Variants in MIGA2 observed in about 807,000 individuals in gnomAD.
The protein encoded by MIGA2 is mitoguardin 2, also known as family with sequence similarity 73, member B.
A neutral mutation model predicts 69.9 loss-of-function variants in MIGA2; 36 were observed. That is an observed-to-expected ratio of 0.52 (90% CI 0.39 to 0.68). The LOEUF is 0.68. Ranked by LOEUF, MIGA2 falls within the 30% of genes least tolerant of loss-of-function variation. MIGA2 has a pLI of 0.00. For synonymous variants in MIGA2, 333 were observed against 349.2 expected (o/e 0.95, Z 0.52); for missense variants, 660 against 787.7 (o/e 0.84, Z 1.94).
intron 11 of MIGA2, 30 bp from the exon 12 acceptor site, chr9:129,067,743 G>T: frequency 1.3e-6 from 2 of 1,586,562 alleles, no homozygotes; most frequent in South Asian, 2.3e-5. Context: ...CTTGTCCAGT[G>T]ACCAGGATGG....
intron 11 of MIGA2, among the ~76,000 whole-genome samples, chr9:129,064,092 A>G (rs966187623): frequency 2.6e-5 from 4 of 152,146 alleles, no homozygotes; most frequent in Admixed American, 2.6e-4. Flanking sequence ...CCCGGCAGAT[A>G]TTGCTAGTTT....
At chr9:129,042,187 C>T (rs562529774) in intron 2 of MIGA2, 117 bp from the exon 3 acceptor site, 70 of 977,382 alleles carry the variant, frequency 7.2e-5, no homozygotes, top group Non-Finnish European at 9.6e-5. Context: ...CTCATCTGGT[C>T]GGCAGATGTG....
chr9:129,051,287 T>TA lies in MIGA2; in HGVS notation c.675+1324_675+1325insA, dbSNP rs200446325. 930 of 182,842 alleles carry TA rather than the reference T, an allele frequency of 5.1e-3. 11 individuals are homozygous for TA. Among genetic ancestry groups the TA allele is most frequent in the African/African-American group, 0.022 (864 of 39,372 alleles). The allele number at this position is 182,842 out of a possible 1,614,324, so 11.3% of individuals were successfully genotyped here. On this transcript the variant is annotated intron_variant, in intron 6 of 15. Transcript: ENST00000684074. ...TTATTTATTTATTTATTTATTTATT[T>TA]TTTTTTTTGGAGACGGAGTCTCACT...
intron 11 of MIGA2, among the ~76,000 whole-genome samples, chr9:129,067,135 CAA>C (rs774512522): frequency 1.7e-4 from 9 of 52,004 alleles, no homozygotes; most frequent in Admixed American, 2.1e-4. Flanking sequence ...GACTCCATCT[CAA>C]AAAAAAAAAA....
intron 3 of MIGA2, among the ~76,000 whole-genome samples, chr9:129,045,093 G>C (rs1420067591): frequency 6.6e-6 from 1 of 150,568 alleles, no homozygotes; most frequent in African/African-American, 2.4e-5. Flanking sequence ...GGAGCTTGCA[G>C]TGAGCCGAGA....
Position 129,063,301 on chromosome 9 carries a change from G to A in MIGA2, c.1068G>A (p.Val356=). The A allele has an allele frequency of 1.2e-6, 2 of 1,614,098 alleles. No individual in the cohort carries two copies. The highest frequency in any genetic ancestry group is 1.7e-6 in the Non-Finnish European group (2 of 1,180,010). Residue 356 remains valine, a synonymous_variant, in exon 10 of 16, where the codon GTG becomes GTA. Coordinates refer to ENST00000684074, the MANE Select transcript of MIGA2 (RefSeq NM_001329990.2). ...DQDFLAKLHC[V]RQAFEGLLED... is the part of the protein sequence containing the mutation. The stretch of plus-strand genomic sequence containing the variant: ...ACTTTCTGGCCAAGCTGCACTGTGT[G>A]CGGCAGGCCTTCGAGGTGGGTGTGG...
chr9:129,039,544 T>C (rs941585917), intron 1 of MIGA2, among the ~76,000 whole-genome samples: 1 of 150,298 alleles, frequency 6.7e-6, no homozygotes, highest in Non-Finnish European at 1.5e-5. Context: ...TGTGCCCAGC[T>C]TCTTTATTTT....
At chr9:129,066,803 C>CA (rs1268907538) in intron 11 of MIGA2, among the ~76,000 whole-genome samples, 2 of 145,018 alleles carry the variant, frequency 1.4e-5, no homozygotes, top group African/African-American at 2.6e-5. Context: ...ACTAAAAATA[C>CA]AAAAAAAATT....
Position 129,068,139 on chromosome 9 carries a change from T to C in MIGA2, c.1270-59T>C. ...AGCTTCAGTCTCCCCATCTGGAAAG[T>C]GGCCCCGAGGCTCCGGCAGTGCCCC... is the stretch of plus-strand genomic sequence containing the variant. On this transcript the variant is annotated intron_variant, in intron 12 of 15. Coordinates refer to ENST00000684074, the MANE Select transcript of MIGA2 (RefSeq NM_001329990.2). This position sits in a 1 kb window ranked among gnomAD's most constrained non-coding sequence, Gnocchi z 4.1. 1 of 1,611,898 alleles carries C rather than the reference T, an allele frequency of 6.2e-7. No individual in the cohort carries two copies. Among genetic ancestry groups the C allele is most frequent in the Non-Finnish European group, 8.5e-7 (1 of 1,178,924 alleles).
intron 6 of MIGA2, among the ~76,000 whole-genome samples, chr9:129,056,322 C>T (rs1845795730): frequency 6.6e-6 from 1 of 152,082 alleles, no homozygotes; most frequent in African/African-American, 2.4e-5. Flanking sequence ...ACTAGTTCTA[C>T]ACTGTGACCT....
chr9:129,065,905 G>A (rs1173660901), intron 11 of MIGA2, among the ~76,000 whole-genome samples: 2 of 152,128 alleles, frequency 1.3e-5, no homozygotes, highest in Admixed American at 1.3e-4. Flanking sequence ...TCCTGCTCAT[G>A]AGCTGCCTTG....
At position 129,070,539 on chromosome 9, in the gene MIGA2, C is replaced by T. The variant is rs538178695; in HGVS notation, c.*86C>T. ...TCTGACAGCTGTGGTGGCTGAGGGC[C>T]GTTGCCCCTGACTTTGCCCCACCCC... On this transcript the variant is annotated 3_prime_UTR_variant, in exon 16 of 16. Transcript: ENST00000684074. The T allele has an allele frequency of 5.2e-5, 72 of 1,392,886 alleles. No homozygotes were observed. The highest frequency in any genetic ancestry group is 6.2e-5 in the Non-Finnish European group (65 of 1,056,360). 86.3% of individuals were successfully genotyped at this position (1,392,886 alleles called of 1,614,324 possible). A position where few individuals can be genotyped will look rare whatever the true frequency, so the allele number is the denominator to read the frequency against.
rs781148955 is a variant in MIGA2, at chr9:129,059,246, C to T, written c.768C>T (p.Pro256=). Residue 256 remains proline (P), a synonymous_variant, in exon 7 of 16, where the codon CCC becomes CCT. Transcript: ENST00000684074. The surrounding 1 kb of genome is among the most constrained non-coding windows in gnomAD (Gnocchi z 5.6). ...HLQEEFGSTF[P]ADSMLLDLER... ...AGGAGGAGTTCGGCTCCACCTTCCC[C>T]GCAGACAGCATGCTGCTAGACCTCG... 7.5e-6 allele frequency: 12 copies of T among 1,589,954 alleles called. No homozygotes were observed. Among genetic ancestry groups the T allele is most frequent in the East Asian group, 2.3e-5 (1 of 43,712 alleles).
At position 129,069,722 on chromosome 9, in the gene MIGA2, G is replaced by T. The variant is rs748449225; in HGVS notation, c.1459-127G>T. On this transcript the variant is annotated intron_variant, in intron 14 of 15. Transcript: ENST00000684074. The surrounding 1 kb of genome is among the most constrained non-coding windows in gnomAD (Gnocchi z 4.9). The stretch of plus-strand genomic sequence containing the variant: ...TCGAAAGCTTGAGTCACTGCCCAGG[G>T]TCATCTAGCAGGAAAGTACATGAGC... 5 of 756,446 alleles carry T rather than the reference G, an allele frequency of 6.6e-6. No individual in the cohort carries two copies. In the East Asian group the frequency reaches 9.9e-5, roughly 15 times the overall value. 46.9% of individuals were successfully genotyped at this position (756,446 alleles called of 1,614,324 possible).
At chr9:129,037,393 C>T (rs1427215428) in intron 1 of MIGA2, among the ~76,000 whole-genome samples, 1 of 152,030 alleles carries the variant, frequency 6.6e-6, no homozygotes, top group Non-Finnish European at 1.5e-5. Flanking sequence ...GATTGTAGGG[C>T]ACAAGAGATG....
At chr9:129,070,160 TG>T in intron 15 of MIGA2, 86 bp from the exon 16 acceptor site, 1 of 1,468,816 alleles carries the variant, frequency 6.8e-7, no homozygotes, top group Non-Finnish European at 9.4e-7. Flanking sequence ...GGGGCTCTGG[TG>T]GTGGACAAGG....
Position 129,049,512 on chromosome 9 carries a change from G to A in MIGA2, c.538+14G>A. On this transcript the variant is annotated intron_variant, in intron 5 of 15. Coordinates refer to ENST00000684074, the MANE Select transcript of MIGA2 (RefSeq NM_001329990.2). ...TGTACATGCAAGGTGTGGCCAGGAG[G>A]TGCCTCAGCTTCGAGGGCAGGGTGG... 1 of 1,610,978 alleles carries A rather than the reference G, an allele frequency of 6.2e-7. No individual in the cohort carries two copies. The highest frequency in any genetic ancestry group is 8.5e-7 in the Non-Finnish European group (1 of 1,177,988).
At chr9:129,065,868 G>A (rs994513976) in intron 11 of MIGA2, among the ~76,000 whole-genome samples, 1 of 152,076 alleles carries the variant, frequency 6.6e-6, no homozygotes, top group Admixed American at 6.6e-5. Context: ...TGGGCTCACC[G>A]TGGCGGTGTG....
chr9:129,063,639 G>T lies in MIGA2; in HGVS notation c.1170+8G>T. ...ATGACCAAGGCTGAGAAGGTAGCAG[G>T]GGGTGGGGTGGGGGGGCAAATTATA... On this transcript the variant is annotated splice_region_variant and intron_variant, in intron 11 of 15. Coordinates refer to ENST00000684074, the MANE Select transcript of MIGA2 (RefSeq NM_001329990.2). The T allele has an allele frequency of 6.4e-7, 1 of 1,560,370 alleles. No individual in the cohort carries two copies. Among genetic ancestry groups the T allele is most frequent in the South Asian group, 1.1e-5 (1 of 90,046 alleles).
Sources: allele counts gnomAD v4.1 joint callset (sites outside exome capture counted in the v4.1 genomes callset), GRCh38; gene constraint gnomAD v4.1.1; non-coding constraint Gnocchi (gnomAD v3.1); transcripts MANE v1.5; gene names NCBI Gene and HGNC (gene_info 2026-07-23, HGNC 2026-07-21).